RIMS2: variants seen among roughly 807,000 people sequenced by gnomAD.
RIMS2 encodes the protein regulating synaptic membrane exocytosis 2.
A neutral mutation model predicts 174.4 loss-of-function variants in RIMS2; 59 were observed. That is an observed-to-expected ratio of 0.34 (90% CI 0.27 to 0.42). The LOEUF (loss-of-function observed/expected upper bound fraction) is 0.42, where lower values mean the gene tolerates loss of function less well. Among genes scored for constraint, RIMS2 ranks in the 10% least tolerant of loss-of-function variants. RIMS2 has a pLI of 1.00. For synonymous variants in RIMS2, 606 were observed against 572.5 expected, an observed-to-expected ratio of 1.06 and a Z score of -0.84; for missense variants, 1,620 against 1,666.3, an observed-to-expected ratio of 0.97 and a Z score of 0.48.
intron 4 of RIMS2, among the ~76,000 whole-genome samples, chr8:103,899,794 C>T (rs2099316976): frequency 6.6e-6 from 1 of 151,724 alleles, no homozygotes; most frequent in African/African-American, 2.4e-5. Context: ...AGTCCTTGCC[C>T]ATGCCTATGT....
At chr8:103,786,819 G>T (rs543800097) in intron 3 of RIMS2, among the ~76,000 whole-genome samples, 4 of 152,004 alleles carry the variant, frequency 2.6e-5, no homozygotes, top group Admixed American at 2.6e-4. Context: ...CAATTCCTGG[G>T]TATCCTTTTT....
chr8:104,245,989 A>T (rs2099328625), intron 20 of RIMS2, among the ~76,000 whole-genome samples: 1 of 152,228 alleles, frequency 6.6e-6, no homozygotes, highest in Admixed American at 6.5e-5. Flanking sequence ...AAATAGATTC[A>T]CTATTCATTA....
chr8:104,141,631 G>T (rs1416876791), intron 19 of RIMS2, among the ~76,000 whole-genome samples: 3 of 152,178 alleles, frequency 2.0e-5, no homozygotes, highest in Non-Finnish European at 4.4e-5. Flanking sequence ...CCATGCATTT[G>T]TCCCCACACA....
chr8:103,863,535 A>T (rs114113006), intron 3 of RIMS2, among the ~76,000 whole-genome samples: 1,547 of 151,730 alleles, frequency 0.01, 29 homozygotes, highest in African/African-American at 0.035. Context: ...TCTTCCTTGT[A>T]TGTCTGATAG....
intron 8 of RIMS2, 114 bp downstream of exon 11, chr8:103,916,651 A>G (rs2076679003): frequency 1.2e-6 from 1 of 841,966 alleles, no homozygotes; most frequent in Non-Finnish European, 1.8e-6. Context: ...TTTTGTAGAC[A>G]ATAACTTTTT....
At chr8:104,205,240 T>C (rs1314765138) in intron 19 of RIMS2, among the ~76,000 whole-genome samples, 1 of 152,208 alleles carries the variant, frequency 6.6e-6, no homozygotes, top group Non-Finnish European at 1.5e-5. Flanking sequence ...AACCCTCTTC[T>C]ATTTTCTCAT....
intron 19 of RIMS2, among the ~76,000 whole-genome samples, chr8:104,166,059 C>CTTTT (rs560648211): frequency 1.2e-3 from 117 of 97,816 alleles, no homozygotes; most frequent in African/African-American, 2.3e-3. Flanking sequence ...TTTTGGATTT[C>CTTTT]TTTTTTTTTT....
intron 2 of RIMS2, among the ~76,000 whole-genome samples, chr8:103,762,170 A>T (rs1162851845): frequency 1.3e-5 from 2 of 151,968 alleles, no homozygotes; most frequent in South Asian, 4.1e-4. Flanking sequence ...AAACATATGG[A>T]AGTAAGTGAC....
intron 1 of RIMS2, among the ~76,000 whole-genome samples, chr8:103,606,622 A>G (rs999228789): frequency 6.6e-6 from 1 of 151,966 alleles, no homozygotes; most frequent in Non-Finnish European, 1.5e-5. Context: ...CCCATTATTA[A>G]TGTGTGGGAG....
chr8:104,197,347 T>G (rs1318544091), intron 19 of RIMS2, among the ~76,000 whole-genome samples: 1 of 152,034 alleles, frequency 6.6e-6, no homozygotes, highest in African/African-American at 2.4e-5. Context: ...GGCTAATTTT[T>G]TGTATTTTTA....
intron 2 of RIMS2, among the ~76,000 whole-genome samples, chr8:103,759,584 A>AG (rs1230794403): frequency 2.0e-5 from 3 of 150,862 alleles, no homozygotes; most frequent in East Asian, 3.9e-4. Context: ...AAAAAAAAAA[A>AG]AAAAGAAAAG....
chr8:104,137,338 C>CTA (rs2098529495), intron 19 of RIMS2, among the ~76,000 whole-genome samples: 1 of 152,104 alleles, frequency 6.6e-6, no homozygotes. Flanking sequence ...GTGCTAATTG[C>CTA]TATATATATG....
intron 2 of RIMS2, among the ~76,000 whole-genome samples, chr8:103,711,758 G>T (rs917863876): frequency 6.6e-6 from 1 of 151,970 alleles, no homozygotes; most frequent in Non-Finnish European, 1.5e-5. Flanking sequence ...TTAGCTAGGC[G>T]TGGTGGTGAG....
chr8:103,859,459 C>T (rs1176434444), intron 3 of RIMS2, among the ~76,000 whole-genome samples: 1 of 152,024 alleles, frequency 6.6e-6, no homozygotes, highest in Non-Finnish European at 1.5e-5. Context: ...GAGGAGCTAA[C>T]AGAAAGGGGA....
intron 1 of RIMS2, among the ~76,000 whole-genome samples, chr8:103,571,116 T>C (rs2092774462): frequency 6.6e-6 from 1 of 152,170 alleles, no homozygotes; most frequent in East Asian, 1.9e-4. Context: ...CACAGACCTG[T>C]TAACTAGATT....
chr8:104,137,638 C>G (rs769683859), intron 19 of RIMS2, among the ~76,000 whole-genome samples: 83 of 152,062 alleles, frequency 5.5e-4, no homozygotes, highest in Non-Finnish European at 1.1e-3. Context: ...AGAAGAGAAG[C>G]ATAGCTTTAT....
intron 22 of RIMS2, among the ~76,000 whole-genome samples, chr8:104,249,949 C>T (rs1432878018): frequency 6.6e-6 from 1 of 152,030 alleles, no homozygotes; most frequent in Non-Finnish European, 1.5e-5. Context: ...TCAAAATTCT[C>T]CTCAGGAATC....
At chr8:103,982,506 AT>A (rs954963178) in intron 16 of RIMS2, among the ~76,000 whole-genome samples, 6 of 151,596 alleles carry the variant, frequency 4.0e-5, no homozygotes, top group Non-Finnish European at 2.9e-5. Context: ...AAAAAAAAAA[AT>A]ACTAGCAAAC....
At chr8:103,822,908 A>C (rs549099913) in intron 3 of RIMS2, among the ~76,000 whole-genome samples, 1 of 152,082 alleles carries the variant, frequency 6.6e-6, no homozygotes, top group East Asian at 1.9e-4. Context: ...AATTTTTGTG[A>C]GCTTGTCTTT....
Sources: gnomAD v4.1 joint callset for allele counts (sites outside exome capture counted in the v4.1 genomes callset) on GRCh38, gnomAD v4.1.1 for gene constraint, MANE v1.5 for transcripts, NCBI Gene and HGNC (gene_info 2026-07-23, HGNC 2026-07-21) for gene names.